THY1: variants seen among roughly 807,000 people sequenced by gnomAD.
THY1 encodes thy-1 membrane glycoprotein.
A neutral mutation model predicts 14.9 loss-of-function variants in THY1; 10 were observed. The observed-to-expected ratio is 0.67, with a 90% CI of 0.41 to 1.14. The LOEUF (loss-of-function observed/expected upper bound fraction) is 1.14, where lower values mean the gene tolerates loss of function less well. THY1 is among the 50% of genes most tolerant of loss of function. The probability of loss-of-function intolerance (pLI) is 0.00; values close to 1 mark genes in which losing one functional copy is unlikely to be tolerated. For synonymous variants in THY1, 80 were observed against 90.0 expected (o/e 0.89, Z 0.63); for missense variants, 159 against 202.1 (o/e 0.79, Z 1.29).
upstream of THY1, chr11:119,423,944 G>A (rs753087922): frequency 6.6e-6 from 1 of 152,530 alleles, no homozygotes; most frequent in Non-Finnish European, 1.5e-5. Context: ...TTGCCTTTTA[G>A]CAGGCACTGT....
chr11:119,416,932 TAA>T lies in THY1; in HGVS notation c.*2474_*2475del, dbSNP rs1333923881. ...GCAACACCATCTCCCAGCACCCTTC[TAA>T]GAGTGTGGCTGCTAAACTCTTCAGG... On this transcript the variant is annotated 3_prime_UTR_variant, in exon 4 of 4. Coordinates refer to ENST00000284240, the MANE Select transcript of THY1 (RefSeq NM_006288.5). Among the ~76,000 whole-genome samples the T allele has an allele frequency of 6.6e-6, 1 of 152,190 alleles. No individual in the cohort carries two copies. Among genetic ancestry groups the T allele is most frequent in the Non-Finnish European group, 1.5e-5 (1 of 68,036 alleles).
intron 2 of THY1, 32 bp downstream of exon 2, chr11:119,420,837 C>T (rs1438435872): frequency 2.5e-6 from 4 of 1,613,614 alleles, no homozygotes; most frequent in African/African-American, 2.7e-5. Context: ...GCCAGGGCGC[C>T]TGGAGCCCCA....
Position 119,420,151 on chromosome 11 carries a change from T to A in THY1, c.273A>T (p.Leu91Phe), listed in dbSNP as rs1861868369. Residue 91 changes from leucine (L) to phenylalanine (F), a missense_variant, in exon 3 of 4, where the codon TTA (leucine) becomes TTT (phenylalanine). Transcript: ENST00000284240. The part of the protein sequence containing the change: ...TSKYNMKVLY[L>F]SAFTSKDEGT... ...CCTCGTCCTTGCTAGTGAAGGCGGATAAGTAGAGGACCTTCATGTTGTATT... is the reference window on the plus strand; with the variant it reads ...CCTCGTCCTTGCTAGTGAAGGCGGAAAAGTAGAGGACCTTCATGTTGTATT... 1 of 1,614,134 alleles carries A rather than the reference T, an allele frequency of 6.2e-7. No homozygotes were observed. Among genetic ancestry groups the A allele is most frequent in the African/African-American group, 1.3e-5 (1 of 74,942 alleles).
At position 119,420,262 on chromosome 11, in the gene THY1, C is replaced by T. The variant is rs199847788; in HGVS notation, c.162G>A (p.Leu54=). The T allele has an allele frequency of 5.8e-5, 94 of 1,614,270 alleles. 1 individual carries two copies. In the South Asian group the frequency reaches 9.6e-4, roughly 16 times the overall value. Residue 54 remains leucine, a synonymous_variant, in exon 3 of 4, where the codon CTG becomes CTA. Coordinates refer to ENST00000284240, the MANE Select transcript of THY1 (RefSeq NM_006288.5). ...GCACGTGCTTCTTTGTCTCACGGGT[C>T]AGGCTGAACTCGTACTGGATGGGTG... ...SSSPIQYEFS[L]TRETKKHVLF... is the part of the protein sequence containing the mutation.
upstream of THY1, chr11:119,423,370 G>A (rs964836352): frequency 2.7e-6 from 1 of 365,404 alleles, no homozygotes; most frequent in Admixed American, 3.4e-5. Context: ...CTCACCCTGT[G>A]GCTGGCAGGC....
At position 119,419,334 on chromosome 11, in the gene THY1, G is replaced by A. The variant is rs777287194; in HGVS notation, c.*74C>T. ...AGGTTTGAGGGATTGGGGGGAGGGG[G>A]TCAGCTGACTCAGAGAAGTAGGATC... On this transcript the variant is annotated 3_prime_UTR_variant, in exon 4 of 4. Transcript: ENST00000284240. 2.2e-5 allele frequency: 30 copies of A among 1,345,604 alleles called. No homozygotes were observed. The highest frequency in any genetic ancestry group is 2.7e-5 in the Non-Finnish European group (26 of 953,922). 83.4% of individuals were successfully genotyped at this position (1,345,604 alleles called of 1,614,324 possible). A position where few individuals can be genotyped will look rare whatever the true frequency, so the allele number is the denominator to read the frequency against.
In THY1 at chr11:119,419,477, G is replaced by T. The variant is rs1047395510; in HGVS notation, c.417C>A (p.Asn139Lys). ...KCEGISLLAQ[N>K]TSWLLLLLLS... is the part of the protein sequence containing the mutation. ...GCAGGAGCAGCAGCAGCCACGAGGT[G>T]TTCTGAGCCAGCAGGCTGATGCCCT... Residue 139 changes from asparagine (N) to lysine (K), a missense_variant, in exon 4 of 4, where the codon AAC (asparagine) becomes AAA (lysine). By Grantham distance (94) the Asn-to-Lys change is moderately conservative. Coordinates refer to ENST00000284240, the MANE Select transcript of THY1 (RefSeq NM_006288.5). 1.2e-6 allele frequency: 2 copies of T among 1,613,820 alleles called. No homozygotes were observed. The highest frequency in any genetic ancestry group is 1.7e-6 in the Non-Finnish European group (2 of 1,180,026).
intron 2 of THY1, 94 bp from the exon 3 acceptor site, chr11:119,420,480 G>T: frequency 1.6e-6 from 2 of 1,254,958 alleles, no homozygotes; most frequent in African/African-American, 1.5e-5. Flanking sequence ...GGCTAGGGAG[G>T]GGACCGGGGT....
rs763695981 is a variant in THY1 at position 119,416,042 on chromosome 11, G to C, written c.*3366C>G. ...TCCCCGGACGCTGTGTAGATTTCTT[G>C]GTTGGCCAGTGAAAGTCCCCACATC... is the stretch of plus-strand genomic sequence containing the variant. On this transcript the variant is annotated 3_prime_UTR_variant, in exon 4 of 4. Transcript: ENST00000284240. Among the ~76,000 whole-genome samples the C allele has an allele frequency of 6.7e-6, 1 of 149,766 alleles. No individual in the cohort carries two copies. The highest frequency in any genetic ancestry group is 2.5e-5 in the African/African-American group (1 of 40,544).
At chr11:119,423,502 T>C, upstream of THY1, 1 of 321,494 alleles carries the variant, frequency 3.1e-6, no homozygotes, top group Non-Finnish European at 6.1e-6. Flanking sequence ...CCCTTTCTTC[T>C]GACCTATTCT....
chr11:119,423,538 T>TGTAAGAGGTGCAGGATGCA, upstream of THY1: 1 of 264,446 alleles, frequency 3.8e-6, no homozygotes, highest in South Asian at 3.9e-5. Context: ...AAAACCAAAG[T>TGTAAGAGGTGCAGGATGCA]GTAAGAGGTG....
intron 3 of THY1, 104 bp downstream of exon 3, chr11:119,419,947 G>A: frequency 1.6e-6 from 2 of 1,239,270 alleles, no homozygotes; most frequent in Non-Finnish European, 2.2e-6. Flanking sequence ...GAGGGTGAGA[G>A]CGTTATGGGG....
At chr11:119,423,040 A>G (rs1252001148) in intron 1 of THY1, 73 bp downstream of exon 1, 1 of 455,566 alleles carries the variant, frequency 2.2e-6, no homozygotes, top group Non-Finnish European at 4.4e-6. Flanking sequence ...CCCGAAGCCT[A>G]GTGTTGGGAA....
chr11:119,421,014 G>A (rs2135436299), intron 1 of THY1, 85 bp from the exon 2 acceptor site: 14 of 1,253,542 alleles, frequency 1.1e-5, no homozygotes, highest in Middle Eastern at 2.0e-4. Context: ...TGGCATAGTG[G>A]CTATGGCAGT....
In THY1 at chr11:119,416,123, C is replaced by T. The variant is rs1861770190; in HGVS notation, c.*3285G>A. Among the ~76,000 whole-genome samples the T allele has an allele frequency of 6.6e-6, 1 of 152,132 alleles. No individual in the cohort carries two copies. Among genetic ancestry groups the T allele is most frequent in the African/African-American group, 2.4e-5 (1 of 41,426 alleles). ...AGCCTCTAGATGTCAGAGATGCAGA[C>T]ATTGCGCGTCTCAGTGGACAATCCA... On this transcript the variant is annotated 3_prime_UTR_variant, in exon 4 of 4. Transcript: ENST00000284240.
Position 119,418,939 on chromosome 11 carries a change from C to CAG in THY1, c.*468_*469insCT. On this transcript the variant is annotated 3_prime_UTR_variant, in exon 4 of 4. Coordinates refer to ENST00000284240, the MANE Select transcript of THY1 (RefSeq NM_006288.5). ...CACCAGCCATGCCTGCCGAGGAGTG[C>CAG]TGTCAGGACAGACCATGTCCGTGCT... 1 of 195,524 alleles carries CAG rather than the reference C, an allele frequency of 5.1e-6. No individual in the cohort carries two copies. The highest frequency in any genetic ancestry group is 1.1e-5 in the Non-Finnish European group (1 of 94,408). 12.1% of individuals were successfully genotyped at this position (195,524 alleles called of 1,614,324 possible).
At position 119,422,981 on chromosome 11, in the gene THY1, C is replaced by T. The variant is rs1274762815; in HGVS notation, c.-25+132G>A. 4.5e-6 allele frequency: 2 copies of T among 446,514 alleles called. No homozygotes were observed. The highest frequency in any genetic ancestry group is 4.0e-5 in the African/African-American group (2 of 49,662). 27.7% of individuals were successfully genotyped at this position (446,514 alleles called of 1,614,324 possible). A position where few individuals can be genotyped will look rare whatever the true frequency, so the allele number is the denominator to read the frequency against. ...TCCCGCCCCTGCCTGGAAAGCAGGC[C>T]CCTCCCTAAGCTCTGCGCCCTTCTT... On this transcript the variant is annotated intron_variant, in intron 1 of 3. Coordinates refer to ENST00000284240, the MANE Select transcript of THY1 (RefSeq NM_006288.5). The surrounding 1 kb of genome is among the most constrained non-coding windows in gnomAD (Gnocchi z 7.0).
In THY1 at chr11:119,419,490, AG is replaced by A; in HGVS notation, c.403del (p.Leu135CysfsTer49). The A allele has an allele frequency of 6.2e-7, 1 of 1,613,516 alleles. No individual in the cohort carries two copies. The highest frequency in any genetic ancestry group is 8.5e-7 in the Non-Finnish European group (1 of 1,180,006). ...CAGCCACGAGGTGTTCTGAGCCAGC[AG>A]GCTGATGCCCTCACACTTGACCAGT... ...DKLVKCEGISLLAQNTSWLLL... is the reference protein window; with the variant it reads ...DKLVKCEGISXLAQNTSWLLL... On this transcript the variant is annotated frameshift_variant, in exon 4 of 4. Transcript: ENST00000284240. LOFTEE classifies it high-confidence loss of function.
chr11:119,419,358 T>C lies in THY1; in HGVS notation c.*50A>G. The C allele has an allele frequency of 6.5e-7, 1 of 1,526,952 alleles. No individual in the cohort carries two copies. Among genetic ancestry groups the C allele is most frequent in the South Asian group, 1.1e-5 (1 of 87,412 alleles). 94.6% of individuals were successfully genotyped at this position (1,526,952 alleles called of 1,614,324 possible). On this transcript the variant is annotated 3_prime_UTR_variant, in exon 4 of 4. Transcript: ENST00000284240. ...GGTCAGCTGACTCAGAGAAGTAGGA[T>C]CTCTGCACTGGAACTTGAGGCTTCC...
Sources: gnomAD v4.1 joint callset for allele counts (sites outside exome capture counted in the v4.1 genomes callset) on GRCh38, gnomAD v4.1.1 for gene constraint, Gnocchi (gnomAD v3.1) non-coding constraint, MANE v1.5 for transcripts, NCBI Gene and HGNC (gene_info 2026-07-23, HGNC 2026-07-21) for gene names.